The following VDAC2 variants were observed in gnomAD, a reference collection of about 807,000 sequenced individuals.
VDAC2 encodes non-selective voltage-gated ion channel VDAC2.
A neutral mutation model predicts 36.6 loss-of-function variants in VDAC2; 6 were observed. The ratio of observed to expected loss-of-function variants is 0.16; its 90% CI spans 0.09 to 0.32. The LOEUF (loss-of-function observed/expected upper bound fraction) is 0.32. Ranked by LOEUF, VDAC2 falls within the 10% of genes least tolerant of loss-of-function variation. VDAC2 has a pLI of 1.00. For missense variants in VDAC2, 247 were observed against 346.0 expected (o/e 0.71, Z 2.27); for synonymous variants, 109 against 123.8 (o/e 0.88, Z 0.79).
At chr10:75,211,332 CCT>C (rs1841413028) in intron 2 of VDAC2, 143 bp downstream of exon 2, 9 of 1,402,174 alleles carry the variant, frequency 6.4e-6, no homozygotes, top group African/African-American at 1.5e-5. Context: ...CTGACCACCT[CCT>C]CTGCGGAGGA....
chr10:75,227,875 A>G (rs975504309), intron 8 of VDAC2, among the ~76,000 whole-genome samples: 1 of 149,714 alleles, frequency 6.7e-6, no homozygotes, highest in Non-Finnish European at 1.5e-5. Context: ...CCCGGCCAAT[A>G]ATGGGAATTT....
rs994260967 is a variant in VDAC2 at position 75,230,839 on chromosome 10, C to G, written c.794-59C>G. The stretch of plus-strand genomic sequence containing the variant: ...GGATGACTGTGAAAGAAGGCCCAGA[C>G]TGAGTGACGTGCCAGGTACATCACG... On this transcript the variant is annotated intron_variant, in intron 9 of 9. Coordinates refer to ENST00000332211, the MANE Select transcript of VDAC2 (RefSeq NM_001391963.1). 14 of 1,465,594 alleles carry G rather than the reference C, an allele frequency of 9.6e-6. No individual in the cohort carries two copies. In the African/African-American group the frequency reaches 2.0e-4, roughly 20 times the overall value. The allele number at this position is 1,465,594 out of a possible 1,614,324, so 90.8% of individuals were successfully genotyped here.
intron 3 of VDAC2, 149 bp downstream of exon 3, chr10:75,212,447 CTG>C (rs1841454852): frequency 1.4e-6 from 1 of 733,484 alleles, no homozygotes; most frequent in African/African-American, 1.8e-5. Flanking sequence ...GGGTCTCCCT[CTG>C]TTGCCCAGGC....
chr10:75,228,150 T>C (rs1481704690), intron 8 of VDAC2, among the ~76,000 whole-genome samples: 3 of 151,978 alleles, frequency 2.0e-5, no homozygotes, highest in African/African-American at 7.2e-5. Flanking sequence ...TGCCTCGGCC[T>C]CCCAAAGTGC....
chr10:75,222,530 A>G, intron 8 of VDAC2, 128 bp downstream of exon 8: 1 of 1,298,878 alleles, frequency 7.7e-7, no homozygotes, highest in Non-Finnish European at 1.1e-6. Context: ...TTAGTTTTAG[A>G]TTTTGAAATG....
chr10:75,230,579 C>G (rs1427839362), intron 9 of VDAC2, among the ~76,000 whole-genome samples: 1 of 152,112 alleles, frequency 6.6e-6, no homozygotes, highest in Non-Finnish European at 1.5e-5. Flanking sequence ...GTTTTCCTTT[C>G]TAGGATCGAA....
Position 75,219,104 on chromosome 10 carries a change from A to G in VDAC2, c.192A>G (p.Lys64=). The G allele has an allele frequency of 6.2e-7, 1 of 1,612,182 alleles. No homozygotes were observed. Among genetic ancestry groups the G allele is most frequent in the East Asian group, 2.2e-5 (1 of 44,864 alleles). ...GTTCATCTAATACAGACACTGGTAA[A>G]GTTACTGGGACCTTGGAGACCAAAT... is the stretch of plus-strand genomic sequence containing the variant. ...TSGSSNTDTG[K]VTGTLETKYK... is the part of the protein sequence containing the mutation. The change falls in exon 5 of 10, where the codon AAA becomes AAG. Residue 64 remains lysine, a synonymous_variant. Transcript: ENST00000332211.
chr10:75,222,510 T>C (rs1841842894), intron 8 of VDAC2, 108 bp downstream of exon 8: 1 of 1,404,546 alleles, frequency 7.1e-7, no homozygotes, highest in Non-Finnish European at 9.8e-7. Context: ...GTCCCCAGTT[T>C]ACAGATAGAT....
At chr10:75,221,487 C>T (rs1841812479) in intron 7 of VDAC2, among the ~76,000 whole-genome samples, 1 of 152,118 alleles carries the variant, frequency 6.6e-6, no homozygotes, top group South Asian at 2.1e-4. Flanking sequence ...CGTGTGCCAC[C>T]ATGCCTGGCT....
At chr10:75,210,468 C>CG (rs1157286618), upstream of VDAC2, among the ~76,000 whole-genome samples, 5 of 152,198 alleles carry the variant, frequency 3.3e-5, no homozygotes, top group Non-Finnish European at 7.4e-5. Flanking sequence ...CGCCCTATCG[C>CG]CCCGGCCACG....
rs577642099 is a variant in VDAC2, at chr10:75,222,395, C to T, written c.728C>T (p.Ser243Phe). Residue 243 changes from serine to phenylalanine, a missense_variant, in exon 8 of 10, where the codon TCC (serine) becomes TTC (phenylalanine). Physicochemically the swap from Ser to Phe is radical, Grantham distance 155. Around this residue, in one of 3 missense-constraint regions of VDAC2, gnomAD observed 159 missense variants for 234.0 expected, o/e 0.68. Transcript: ENST00000332211. Reference protein sequence around the residue: ...AAKYQLDPTASISAKVNNSSL... With the variant: ...AAKYQLDPTAFISAKVNNSSL... ...AAATATCAGTTGGATCCCACTGCTT[C>T]CATTTCTGTGAGTACTTTTGTGGAC... is the stretch of plus-strand genomic sequence containing the variant. 1 of 1,614,046 alleles carries T rather than the reference C, an allele frequency of 6.2e-7. No homozygotes were observed. Among genetic ancestry groups the T allele is most frequent in the African/African-American group, 1.3e-5 (1 of 75,042 alleles).
Position 75,218,997 on chromosome 10 carries a change from T to G in VDAC2, c.151-66T>G, listed in dbSNP as rs1841706422. 11 of 1,498,594 alleles carry G rather than the reference T, an allele frequency of 7.3e-6. No homozygotes were observed. The East Asian group carries it at 2.5e-4, about 34-fold the overall frequency. 92.8% of individuals were successfully genotyped at this position (1,498,594 alleles called of 1,614,324 possible). A position where few individuals can be genotyped will look rare whatever the true frequency, so the allele number is the denominator to read the frequency against. The stretch of plus-strand genomic sequence containing the variant: ...TTCAGGGGGTTTGTGTGTGTGTGCG[T>G]GTGTAAGGCAGTGATGAATTCTAGG... On this transcript the variant is annotated intron_variant, in intron 4 of 9. Transcript: ENST00000332211.
chr10:75,229,576 G>A (rs1467304093), intron 8 of VDAC2, 68 bp from the exon 9 acceptor site: 43 of 1,231,118 alleles, frequency 3.5e-5, no homozygotes, highest in Non-Finnish European at 4.6e-5. Flanking sequence ...TACATGATGG[G>A]GAAACATGTA....
At chr10:75,211,038 T>C in intron 1 of VDAC2, 96 bp from the exon 2 acceptor site, 1 of 1,219,546 alleles carries the variant, frequency 8.2e-7, no homozygotes. Context: ...CTTCCTAAGA[T>C]GGCCGCGCTG....
intron 8 of VDAC2, chr10:75,229,249 A>T (rs931762098): frequency 6.5e-6 from 1 of 154,420 alleles, no homozygotes; most frequent in African/African-American, 2.4e-5. Context: ...TCATGAATTT[A>T]AACTTTATAC....
At chr10:75,216,844 T>C (rs1302913687) in intron 4 of VDAC2, among the ~76,000 whole-genome samples, 1 of 152,250 alleles carries the variant, frequency 6.6e-6, no homozygotes, top group African/African-American at 2.4e-5. Context: ...TATATTGTTT[T>C]AGTAATGCTT....
At chr10:75,212,665 A>G (rs2132251438) in intron 3 of VDAC2, among the ~76,000 whole-genome samples, 1 of 152,288 alleles carries the variant, frequency 6.6e-6, no homozygotes, top group East Asian at 1.9e-4. Context: ...TGGTTGGATT[A>G]CGTTACAGAC....
At chr10:75,217,182 A>G (rs1194627576) in intron 4 of VDAC2, among the ~76,000 whole-genome samples, 2 of 152,164 alleles carry the variant, frequency 1.3e-5, no homozygotes, top group Admixed American at 6.6e-5. Flanking sequence ...GCTTGAGCCC[A>G]GGAGTTTGAG....
intron 4 of VDAC2, among the ~76,000 whole-genome samples, chr10:75,216,361 A>G (rs1244484224): frequency 6.6e-6 from 1 of 152,228 alleles, no homozygotes; most frequent in Non-Finnish European, 1.5e-5. Flanking sequence ...TTGGAAAGGA[A>G]TAGATTGTTG....
Sources: gnomAD v4.1 joint callset for allele counts (sites outside exome capture counted in the v4.1 genomes callset) on GRCh38, gnomAD v4.1.1 for gene constraint, gnomAD v4.1.1 regional missense constraint, MANE v1.5 for transcripts, NCBI Gene and HGNC (gene_info 2026-07-23, HGNC 2026-07-21) for gene names.